The following PPP1R9A variants were observed in gnomAD, a reference collection of about 807,000 sequenced individuals.
PPP1R9A encodes the protein neurabin-1.
In PPP1R9A, 59 loss-of-function variants were observed where a neutral mutation model predicts 141.9. The ratio of observed to expected loss-of-function variants is 0.42; its 90% CI spans 0.34 to 0.52. PPP1R9A has a LOEUF of 0.52. Among genes scored for constraint, PPP1R9A ranks in the 20% least tolerant of loss-of-function variants. The pLI, the probability that PPP1R9A is intolerant of heterozygous loss-of-function variation, is 0.10. For missense variants in PPP1R9A, 1,444 were observed against 1,611.9 expected (o/e 0.90, Z 1.78); for synonymous variants, 500 against 569.7 (o/e 0.88, Z 1.74).
At chr7:95,163,025 A>G (rs1488721071) in intron 5 of PPP1R9A, among the ~76,000 whole-genome samples, 1 of 152,222 alleles carries the variant, frequency 6.6e-6, no homozygotes, top group Non-Finnish European at 1.5e-5. Context: ...GGGCCCATTC[A>G]GTAAATGTGA....
chr7:95,092,553 A>G (rs1467655354), intron 2 of PPP1R9A, among the ~76,000 whole-genome samples: 2 of 152,166 alleles, frequency 1.3e-5, no homozygotes, highest in East Asian at 3.9e-4. Context: ...AATGAAGTAC[A>G]TATTAAAGGG....
chr7:95,269,231 A>G lies in PPP1R9A; in HGVS notation c.2848A>G (p.Met950Val), dbSNP rs1801776418. 2 of 1,548,814 alleles carry G rather than the reference A, an allele frequency of 1.3e-6. No individual in the cohort carries two copies. The highest frequency in any genetic ancestry group is 1.7e-5 in the Admixed American group (1 of 59,468). Residue 950 changes from methionine (M) to valine (V), a missense_variant, in exon 14 of 20, where the codon ATG (methionine) becomes GTG (valine). Physicochemically the swap from Met to Val is conservative, Grantham distance 21. Coordinates refer to ENST00000433360, the MANE Select transcript of PPP1R9A (RefSeq NM_001166160.2). Reference protein sequence around the residue: ...RKPSNSFYNHMHITKLLPPKG... With the variant: ...RKPSNSFYNHVHITKLLPPKG... ...GCCATCAAACAGTTTCTATAACCAC[A>G]TGCATATTACCAAATTACTTCCACC... is the stretch of plus-strand genomic sequence containing the variant.
intron 7 of PPP1R9A, among the ~76,000 whole-genome samples, chr7:95,209,207 A>G (rs1200378059): frequency 2.0e-5 from 3 of 152,194 alleles, no homozygotes; most frequent in Non-Finnish European, 2.9e-5. Flanking sequence ...TCTGCTGTGT[A>G]TAATGTACTT....
At chr7:95,119,387 C>A (rs1187195841) in intron 3 of PPP1R9A, among the ~76,000 whole-genome samples, 1 of 152,126 alleles carries the variant, frequency 6.6e-6, no homozygotes, top group African/African-American at 2.4e-5. Flanking sequence ...ATGATACCAT[C>A]TCACCATGAA....
intron 2 of PPP1R9A, among the ~76,000 whole-genome samples, chr7:95,086,953 A>C (rs1365082142): frequency 2.6e-5 from 4 of 151,752 alleles, no homozygotes; most frequent in Non-Finnish European, 5.9e-5. Flanking sequence ...GAGGCTGAGG[A>C]GGGAGGATCT....
At chr7:95,115,864 C>A (rs1821402615) in intron 3 of PPP1R9A, among the ~76,000 whole-genome samples, 1 of 150,574 alleles carries the variant, frequency 6.6e-6, no homozygotes, top group Admixed American at 6.6e-5. Flanking sequence ...TTGCAGTGAG[C>A]CGAGACCACA....
intron 2 of PPP1R9A, among the ~76,000 whole-genome samples, chr7:95,006,683 A>G (rs1478424456): frequency 6.6e-6 from 1 of 152,196 alleles, no homozygotes; most frequent in Non-Finnish European, 1.5e-5. Context: ...GAGAAAAAAT[A>G]AAATTTACTA....
chr7:94,924,165 A>T (rs1157702919), intron 2 of PPP1R9A, among the ~76,000 whole-genome samples: 1 of 152,220 alleles, frequency 6.6e-6, no homozygotes, highest in Non-Finnish European at 1.5e-5. Flanking sequence ...GAAAAAGAAA[A>T]TTGGAGTTCA....
At chr7:95,119,295 T>TA (rs59593432) in intron 3 of PPP1R9A, among the ~76,000 whole-genome samples, 11 of 148,064 alleles carry the variant, frequency 7.4e-5, no homozygotes, top group African/African-American at 1.7e-4. Flanking sequence ...GTAAGTGAAT[T>TA]AAAAAAAAAA....
chr7:94,994,521 T>G (rs1801915950), intron 2 of PPP1R9A, among the ~76,000 whole-genome samples: 1 of 152,224 alleles, frequency 6.6e-6, no homozygotes, highest in South Asian at 2.1e-4. Context: ...CTTTCTATTC[T>G]TTGTTAAATA....
At chr7:95,214,248 A>T (rs2152922736) in intron 7 of PPP1R9A, 1 of 152,202 alleles carries the variant, frequency 6.6e-6, no homozygotes, top group Admixed American at 6.5e-5. Context: ...GCTGTAAGTG[A>T]GGTGTTAGCC....
At chr7:95,158,443 C>T (rs908108637) in intron 4 of PPP1R9A, among the ~76,000 whole-genome samples, 2 of 152,012 alleles carry the variant, frequency 1.3e-5, no homozygotes, top group African/African-American at 2.4e-5. Context: ...TCACTTGAGA[C>T]GAGGAGTTTG....
At chr7:95,019,569 C>A (rs1268194704) in intron 2 of PPP1R9A, among the ~76,000 whole-genome samples, 1 of 151,954 alleles carries the variant, frequency 6.6e-6, no homozygotes, top group African/African-American at 2.4e-5. Context: ...ACAGGACAAT[C>A]CAATTTTAAA....
chr7:95,289,485 G>A (rs953208865), intron 19 of PPP1R9A, among the ~76,000 whole-genome samples: 2 of 152,182 alleles, frequency 1.3e-5, no homozygotes, highest in South Asian at 2.1e-4. Flanking sequence ...TGAAGGTCAC[G>A]AAACATTTAA....
chr7:94,988,604 G>A (rs557936676), intron 2 of PPP1R9A, among the ~76,000 whole-genome samples: 166 of 152,026 alleles, frequency 1.1e-3, no homozygotes, highest in African/African-American at 3.9e-3. Context: ...ATTTACTTCT[G>A]TTACATTTTC....
At chr7:95,268,481 A>G (rs770050752) in intron 12 of PPP1R9A, 69 bp from the exon 13 acceptor site, 2 of 1,541,404 alleles carry the variant, frequency 1.3e-6, no homozygotes, top group Non-Finnish European at 8.8e-7. Context: ...AGATTTTATC[A>G]GTGTCTGTGG....
intron 2 of PPP1R9A, among the ~76,000 whole-genome samples, chr7:95,042,233 C>G (rs534494428): frequency 1.3e-5 from 2 of 152,246 alleles, no homozygotes; most frequent in African/African-American, 4.8e-5. Context: ...TGTGAGTAGA[C>G]AAGGAAGAAT....
intron 2 of PPP1R9A, among the ~76,000 whole-genome samples, chr7:95,008,741 A>G (rs997916790): frequency 1.3e-5 from 2 of 152,122 alleles, no homozygotes; most frequent in Non-Finnish European, 2.9e-5. Context: ...TTATTTGGTG[A>G]GAACTTGGTA....
chr7:95,014,679 T>A (rs1181338068), intron 2 of PPP1R9A, among the ~76,000 whole-genome samples: 1 of 152,062 alleles, frequency 6.6e-6, no homozygotes, highest in African/African-American at 2.4e-5. Flanking sequence ...TTAGCACCTG[T>A]TGATTCTTGC....
Sources: gnomAD v4.1 joint callset for allele counts (sites outside exome capture counted in the v4.1 genomes callset) on GRCh38, gnomAD v4.1.1 for gene constraint, MANE v1.5 for transcripts, NCBI Gene and HGNC (gene_info 2026-07-23, HGNC 2026-07-21) for gene names.